Variants in VPS37A observed in about 807,000 individuals in gnomAD.
The protein encoded by VPS37A is VPS37A subunit of ESCRT-I.
In VPS37A, 30 loss-of-function variants were observed where a neutral mutation model predicts 49.8. The observed-to-expected ratio is 0.60, with a 90% CI of 0.45 to 0.82. The LOEUF is 0.82. Among genes scored for constraint, VPS37A ranks in the 40% least tolerant of loss-of-function variants. VPS37A has a pLI of 0.00. For synonymous variants in VPS37A, 195 were observed against 160.6 expected (o/e 1.21, Z -1.62); for missense variants, 593 against 464.4 (o/e 1.28, Z -2.55).
chr8:17,247,133 G>T lies in VPS37A; in HGVS notation c.-112G>T. On this transcript the variant is annotated 5_prime_UTR_variant, in exon 1 of 12. Transcript: ENST00000324849. ...AGAGAAGACGCGGTCCCCAGCGCTT[G>T]GGCCACGGACGTCCCACCCCGCTCC... is the stretch of plus-strand genomic sequence containing the variant. 1.4e-6 allele frequency: 2 copies of T among 1,434,738 alleles called. No individual in the cohort carries two copies. The highest frequency in any genetic ancestry group is 1.4e-5 in the African/African-American group (1 of 70,264). The allele number at this position is 1,434,738 out of a possible 1,614,324, so 88.9% of individuals were successfully genotyped here. A position where few individuals can be genotyped will look rare whatever the true frequency, so the allele number is the denominator to read the frequency against.
chr8:17,311,614 C>A, the VPS37A span: 1 of 1,614,156 alleles, frequency 6.2e-7, no homozygotes, highest in South Asian at 1.1e-5. Flanking sequence ...AACAAGCACA[C>A]TTGCCCCTTC....
chr8:17,293,272 G>T (rs1186449730), intron 11 of VPS37A, among the ~76,000 whole-genome samples: 1 of 151,590 alleles, frequency 6.6e-6, no homozygotes. Flanking sequence ...GCTTCATGAA[G>T]TTCTCGTGCT....
At chr8:17,301,956 A>G, downstream of VPS37A, 1 of 574,108 alleles carries the variant, frequency 1.7e-6, no homozygotes, top group Non-Finnish European at 2.9e-6. Context: ...CACAAACCAG[A>G]TGTGTGAAAT....
chr8:17,299,681 C>CG (rs1816971006), downstream of VPS37A: 1 of 739,156 alleles, frequency 1.4e-6, no homozygotes, highest in African/African-American at 1.8e-5. Context: ...AATGAAATGA[C>CG]TACGTCCTCT....
Position 17,247,114 on chromosome 8 carries a change from G to C in VPS37A, c.-131G>C. 2 of 1,233,868 alleles carry C rather than the reference G, an allele frequency of 1.6e-6. No homozygotes were observed. The highest frequency in any genetic ancestry group is 2.5e-5 in the East Asian group (1 of 39,418). The allele number at this position is 1,233,868 out of a possible 1,614,324, so 76.4% of individuals were successfully genotyped here. Reference sequence around the variant, plus strand: ...GCGCAGGCAGGACAGGCTTAGAGAAGACGCGGTCCCCAGCGCTTGGGCCAC... The same window carrying C: ...GCGCAGGCAGGACAGGCTTAGAGAACACGCGGTCCCCAGCGCTTGGGCCAC... On this transcript the variant is annotated 5_prime_UTR_variant, in exon 1 of 12. Coordinates refer to ENST00000324849, the MANE Select transcript of VPS37A (RefSeq NM_152415.3).
rs1253193623 is a variant in VPS37A at position 17,297,634 on chromosome 8, A to G, written c.*2648A>G. The G allele has an allele frequency of 2.6e-5, 4 of 152,028 alleles. No homozygotes were observed. Among genetic ancestry groups the G allele is most frequent in the Admixed American group, 2.0e-4 (3 of 15,256 alleles). 9.4% of individuals were successfully genotyped at this position (152,028 alleles called of 1,614,324 possible). A position where few individuals can be genotyped will look rare whatever the true frequency, so the allele number is the denominator to read the frequency against. On this transcript the variant is annotated 3_prime_UTR_variant, in exon 12 of 12. Transcript: ENST00000324849. ...CTAATTGGGAAGTAATATGCCTCAA[A>G]TCAGTTTTATACTGGATTATTCCCT...
chr8:17,292,259 ACT>A (rs1268823888), intron 11 of VPS37A, among the ~76,000 whole-genome samples: 1 of 150,852 alleles, frequency 6.6e-6, no homozygotes, highest in Non-Finnish European at 1.5e-5. Flanking sequence ...CTTGGTTTAA[ACT>A]CTGTTTTATC....
At chr8:17,271,683 C>T (rs1814008219) in intron 4 of VPS37A, among the ~76,000 whole-genome samples, 3 of 152,116 alleles carry the variant, frequency 2.0e-5, no homozygotes, top group African/African-American at 4.8e-5. Flanking sequence ...CCACTAAGCT[C>T]CTCCAAATAA....
chr8:17,319,142 T>C, the VPS37A span, among the ~76,000 whole-genome samples: 1 of 152,184 alleles, frequency 6.6e-6, no homozygotes, highest in African/African-American at 2.4e-5. Context: ...CACGTAGCAA[T>C]GTTTAAGGGC....
At chr8:17,320,717 G>A in the VPS37A span, among the ~76,000 whole-genome samples, 2 of 152,158 alleles carry the variant, frequency 1.3e-5, no homozygotes, top group African/African-American at 4.8e-5. Flanking sequence ...GATGCCTTGT[G>A]ACAGTGCCCA....
the VPS37A span, among the ~76,000 whole-genome samples, chr8:17,324,466 C>A: frequency 2.0e-5 from 3 of 152,218 alleles, no homozygotes; most frequent in African/African-American, 4.8e-5. Context: ...ATCCATTCCA[C>A]CGCACATGCA....
intron 9 of VPS37A, among the ~76,000 whole-genome samples, chr8:17,281,965 C>T (rs1815098535): frequency 1.3e-5 from 2 of 151,986 alleles, no homozygotes; most frequent in South Asian, 2.1e-4. Context: ...AGATTTCATT[C>T]TCCCCAAAAT....
chr8:17,258,504 G>A (rs1812678884), intron 1 of VPS37A, among the ~76,000 whole-genome samples: 1 of 152,212 alleles, frequency 6.6e-6, no homozygotes, highest in Non-Finnish European at 1.5e-5. Flanking sequence ...TGATAATGGT[G>A]AATGATCTTT....
At chr8:17,247,997 G>C in intron 1 of VPS37A, 1 of 541,472 alleles carries the variant, frequency 1.8e-6, no homozygotes, top group South Asian at 2.1e-5. Context: ...ATTACTTTAT[G>C]TTCATCTTGA....
chr8:17,313,121 T>C, the VPS37A span, among the ~76,000 whole-genome samples: 2 of 152,222 alleles, frequency 1.3e-5, no homozygotes, highest in Non-Finnish European at 2.9e-5. Context: ...AGCATTGTAT[T>C]CTTTCGCAAA....
chr8:17,249,629 C>G (rs533990877), intron 1 of VPS37A, among the ~76,000 whole-genome samples: 1 of 152,142 alleles, frequency 6.6e-6, no homozygotes, highest in East Asian at 1.9e-4. Context: ...TTAGTCCACC[C>G]TTTTAAATAA....
intron 4 of VPS37A, among the ~76,000 whole-genome samples, chr8:17,269,580 T>C (rs551648230): frequency 2.7e-4 from 41 of 152,336 alleles, no homozygotes; most frequent in African/African-American, 9.1e-4. Context: ...AGTAAGATAA[T>C]ACCTGGGTTT....
At chr8:17,323,640 G>C in the VPS37A span, among the ~76,000 whole-genome samples, 1 of 152,120 alleles carries the variant, frequency 6.6e-6, no homozygotes. Flanking sequence ...TTGCAGCAGA[G>C]GCCGCAGGGG....
chr8:17,300,684 T>C (rs1260374691), downstream of VPS37A, among the ~76,000 whole-genome samples: 1 of 152,222 alleles, frequency 6.6e-6, no homozygotes, highest in African/African-American at 2.4e-5. Context: ...ATTCACAAGG[T>C]TGTGCAACGA....
Sources: allele counts gnomAD v4.1 joint callset (sites outside exome capture counted in the v4.1 genomes callset), GRCh38; gene constraint gnomAD v4.1.1; transcripts MANE v1.5; gene names NCBI Gene and HGNC (gene_info 2026-07-23, HGNC 2026-07-21).